ERBB4: variants seen among roughly 807,000 people sequenced by gnomAD.
ERBB4 encodes receptor tyrosine-protein kinase erbB-4.
ERBB4 carries 42 observed loss-of-function variants against 158.0 expected under a neutral mutation model. The observed-to-expected ratio is 0.27, with a 90% CI of 0.21 to 0.34. The LOEUF is 0.34. Among genes scored for constraint, ERBB4 ranks in the 10% least tolerant of loss-of-function variants. The pLI is 1.00. For synonymous variants in ERBB4, 583 were observed against 558.7 expected (o/e 1.04, Z -0.61); for missense variants, 1,333 against 1,624.1 (o/e 0.82, Z 3.08).
rs113866258 is a variant in ERBB4 at position 212,371,123 on chromosome 2, C to A, written c.82+167326G>T. Among the ~76,000 whole-genome samples the A allele has an allele frequency of 7.1e-3, 1,081 of 152,262 alleles. 5 individuals are homozygous for A. The highest frequency in any genetic ancestry group is 0.024 in the Middle Eastern group (7 of 294). Reference sequence around the variant, plus strand: ...TGTACCATCCTCCAGATTTTTACTGCCCAATCACGTTGGGCAAGGTGTTCT... The same window carrying A: ...TGTACCATCCTCCAGATTTTTACTGACCAATCACGTTGGGCAAGGTGTTCT... On this transcript the variant is annotated intron_variant, in intron 1 of 27. Coordinates refer to ENST00000342788, the MANE Select transcript of ERBB4 (RefSeq NM_005235.3).
intron 2 of ERBB4, among the ~76,000 whole-genome samples, chr2:212,082,848 A>G (rs1455120296): frequency 6.6e-6 from 1 of 152,076 alleles, no homozygotes; most frequent in Non-Finnish European, 1.5e-5. Context: ...TATAGTAGGT[A>G]AAACGACAAG....
chr2:211,440,212 A>G (rs1458447732), intron 20 of ERBB4, among the ~76,000 whole-genome samples: 1 of 152,178 alleles, frequency 6.6e-6, no homozygotes, highest in Non-Finnish European at 1.5e-5. Flanking sequence ...TATGGTTACA[A>G]TAGGAGAAGC....
At chr2:212,443,042 TAA>T (rs1413009267) in intron 1 of ERBB4, among the ~76,000 whole-genome samples, 2 of 152,204 alleles carry the variant, frequency 1.3e-5, no homozygotes, top group Non-Finnish European at 2.9e-5. Context: ...TTGAGCAAAT[TAA>T]CACATCTCCT....
chr2:211,798,628 T>C (rs1361136531), intron 3 of ERBB4, among the ~76,000 whole-genome samples: 1 of 152,146 alleles, frequency 6.6e-6, no homozygotes, highest in African/African-American at 2.4e-5. Flanking sequence ...GAGCTTTGTC[T>C]AAACTATTTT....
intron 1 of ERBB4, among the ~76,000 whole-genome samples, chr2:212,139,694 A>C (rs747875624): frequency 3.9e-5 from 6 of 152,008 alleles, no homozygotes; most frequent in Non-Finnish European, 7.4e-5. Flanking sequence ...GATAAGCTTC[A>C]TATGTGCAAA....
intron 2 of ERBB4, among the ~76,000 whole-genome samples, chr2:212,003,063 A>AAG (rs148188443): frequency 0.029 from 3,335 of 113,940 alleles, 233 homozygotes; most frequent in Middle Eastern, 0.064. Flanking sequence ...CAAAAGAGAA[A>AAG]AGAGAGAGAG....
Position 211,704,189 on chromosome 2 carries a change from G to C in ERBB4, c.1204C>G (p.Leu402Val), listed in dbSNP as rs780292324. Reference protein sequence around the residue: ...FRTVREITGFLNIQSWPPNMT... With the variant: ...FRTVREITGFVNIQSWPPNMT... ...TTTGGTGGCCATGACTGTATGTTCAGGAAACCTACAAGTGAAGAGTAGAAA... is the reference window on the plus strand; with the variant it reads ...TTTGGTGGCCATGACTGTATGTTCACGAAACCTACAAGTGAAGAGTAGAAA... Residue 402 changes from leucine (L) to valine (V), a missense_variant, in exon 11 of 28, where the codon CTG becomes GTG. Around this residue, in one of 5 missense-constraint regions of ERBB4, gnomAD observed 438 missense variants for 586.9 expected, o/e 0.75. Transcript: ENST00000342788. 1.2e-6 allele frequency: 2 copies of C among 1,600,556 alleles called. No homozygotes were observed. Among genetic ancestry groups the C allele is most frequent in the Non-Finnish European group, 1.7e-6 (2 of 1,167,696 alleles).
intron 3 of ERBB4, among the ~76,000 whole-genome samples, chr2:211,802,146 C>G (rs1575166917): frequency 2.0e-5 from 3 of 152,162 alleles, no homozygotes; most frequent in African/African-American, 7.2e-5. Flanking sequence ...GTAGTCGCAG[C>G]TACTCGGGAG....
chr2:212,323,295 T>C (rs2087656255), intron 1 of ERBB4, among the ~76,000 whole-genome samples: 1 of 150,696 alleles, frequency 6.6e-6, no homozygotes, highest in Admixed American at 6.6e-5. Flanking sequence ...GCCATCATCC[T>C]ATCTAAGCTC....
At chr2:211,800,806 C>T (rs776767576) in intron 3 of ERBB4, among the ~76,000 whole-genome samples, 1 of 151,836 alleles carries the variant, frequency 6.6e-6, no homozygotes, top group African/African-American at 2.4e-5. Context: ...AAGAATTCAG[C>T]CCACTTAAGG....
chr2:211,671,210 GA>G (rs1450976807), intron 14 of ERBB4, among the ~76,000 whole-genome samples: 1 of 152,134 alleles, frequency 6.6e-6, no homozygotes, highest in South Asian at 2.1e-4. Flanking sequence ...AAGATAATGT[GA>G]AAAAATTAAA....
At chr2:211,635,670 G>A (rs1168085441) in intron 16 of ERBB4, among the ~76,000 whole-genome samples, 3 of 151,854 alleles carry the variant, frequency 2.0e-5, no homozygotes, top group Non-Finnish European at 4.4e-5. Context: ...AAACTATTTT[G>A]TTATACTCTT....
At chr2:212,392,212 C>T (rs2090897927) in intron 1 of ERBB4, among the ~76,000 whole-genome samples, 1 of 151,906 alleles carries the variant, frequency 6.6e-6, no homozygotes, top group African/African-American at 2.4e-5. Flanking sequence ...AGACCAATGT[C>T]CTTAGTCCCT....
intron 1 of ERBB4, among the ~76,000 whole-genome samples, chr2:212,243,246 G>A (rs894842090): frequency 6.6e-5 from 10 of 152,154 alleles, no homozygotes; most frequent in African/African-American, 2.4e-4. Context: ...CCACGCATCT[G>A]GCAGACTGTG....
At position 211,705,308 on chromosome 2, in the gene ERBB4, A is replaced by T. The variant is rs192250218; in HGVS notation, c.1198+10T>A. On this transcript the variant is annotated intron_variant, in intron 10 of 27. Transcript: ENST00000342788. ...GTTCATAGCGCAACAGTTGCAGTTT[A>T]AAAAATTACCTGTTATCTCTCTGAC... The T allele has an allele frequency of 4.4e-6, 7 of 1,586,300 alleles. No homozygotes were observed. In the East Asian group the frequency reaches 1.3e-4, roughly 30 times the overall value.
intron 4 of ERBB4, among the ~76,000 whole-genome samples, chr2:211,752,458 C>A (rs762979699): frequency 2.5e-4 from 36 of 144,556 alleles, no homozygotes; most frequent in Non-Finnish European, 2.1e-4. Context: ...AATATTTGGC[C>A]TTATTCTTTG....
At chr2:211,394,648 T>C (rs962358048) in intron 25 of ERBB4, among the ~76,000 whole-genome samples, 1 of 152,100 alleles carries the variant, frequency 6.6e-6, no homozygotes, top group Non-Finnish European at 1.5e-5. Flanking sequence ...AGAAATGAAA[T>C]CATCAAGCCT....
chr2:212,097,589 G>A (rs2078967618), intron 2 of ERBB4, among the ~76,000 whole-genome samples: 1 of 152,156 alleles, frequency 6.6e-6, no homozygotes, highest in Non-Finnish European at 1.5e-5. Context: ...TGTGATAACA[G>A]AAGGCAAAGA....
chr2:211,941,418 A>T (rs1395586428), intron 3 of ERBB4, among the ~76,000 whole-genome samples: 1 of 152,164 alleles, frequency 6.6e-6, no homozygotes, highest in East Asian at 1.9e-4. Context: ...AGGGTAGTTG[A>T]AGAATGCTTA....
Sources: gnomAD v4.1 joint callset for allele counts (sites outside exome capture counted in the v4.1 genomes callset) on GRCh38, gnomAD v4.1.1 for gene constraint, gnomAD v4.1.1 regional missense constraint, MANE v1.5 for transcripts, NCBI Gene and HGNC (gene_info 2026-07-23, HGNC 2026-07-21) for gene names.